Variants in CHODL observed in about 807,000 individuals in gnomAD.
CHODL encodes transmembrane protein MT75.
Under a neutral mutation model 34.5 loss-of-function variants are expected in CHODL, and 29 were observed. That is an observed-to-expected ratio of 0.84 (90% CI 0.63 to 1.15). The LOEUF (loss-of-function observed/expected upper bound fraction) is 1.15, where lower values mean the gene tolerates loss of function less well. Among genes scored for constraint, CHODL ranks in the 50% most tolerant of loss-of-function variants. The pLI is 0.00. For synonymous variants in CHODL, 125 were observed against 116.1 expected, an observed-to-expected ratio of 1.08 and a Z score of -0.49; for missense variants, 332 against 332.5, an observed-to-expected ratio of 1.00 and a Z score of 0.01.
intron 1 of CHODL, among the ~76,000 whole-genome samples, chr21:17,951,431 TTAAGAC>T (rs2146342127): frequency 6.6e-6 from 1 of 152,266 alleles, no homozygotes; most frequent in African/African-American, 2.4e-5. Flanking sequence ...CTGAGAGTCT[TTAAGAC>T]TAAGAGACCA....
intron 2 of CHODL, among the ~76,000 whole-genome samples, chr21:18,233,690 AT>A (rs2074003372): frequency 6.6e-6 from 1 of 152,082 alleles, no homozygotes; most frequent in South Asian, 2.1e-4. Flanking sequence ...TTTAAAAAAA[AT>A]AAGATAATTT....
chr21:17,929,140 ATTTC>A (rs2063251156), intron 1 of CHODL, among the ~76,000 whole-genome samples: 1 of 152,192 alleles, frequency 6.6e-6, no homozygotes, highest in Non-Finnish European at 1.5e-5. Flanking sequence ...TATAGAAACA[ATTTC>A]TTTTTTTATC....
At chr21:18,229,488 G>A (rs1568945932) in intron 2 of CHODL, among the ~76,000 whole-genome samples, 1 of 152,026 alleles carries the variant, frequency 6.6e-6, no homozygotes, top group African/African-American at 2.4e-5. Flanking sequence ...GAATAAATAA[G>A]AGACCAAACC....
At chr21:18,108,663 TA>T (rs1223914224) in intron 2 of CHODL, among the ~76,000 whole-genome samples, 1 of 152,128 alleles carries the variant, frequency 6.6e-6, no homozygotes, top group African/African-American at 2.4e-5. Context: ...CCTATACAGA[TA>T]GGATCCTTTA....
At chr21:18,041,685 T>A (rs1362984546) in intron 2 of CHODL, among the ~76,000 whole-genome samples, 1 of 151,944 alleles carries the variant, frequency 6.6e-6, no homozygotes, top group African/African-American at 2.4e-5. Context: ...GTAGACTGAA[T>A]GGAATAGGCT....
At chr21:18,134,122 G>A (rs551522274) in intron 2 of CHODL, among the ~76,000 whole-genome samples, 17 of 152,150 alleles carry the variant, frequency 1.1e-4, no homozygotes, top group African/African-American at 3.1e-4. Context: ...CAGGGAGGCG[G>A]GTATAACTCT....
intron 1 of CHODL, among the ~76,000 whole-genome samples, chr21:17,919,169 G>C (rs975489482): frequency 6.6e-6 from 1 of 152,204 alleles, no homozygotes; most frequent in African/African-American, 2.4e-5. Flanking sequence ...CCATTCTGGG[G>C]TCTGGAGGAT....
In CHODL at chr21:17,981,815, C is replaced by T. The variant is rs755723347; in HGVS notation, c.-144-46057C>T. 4.4e-4 allele frequency among the ~76,000 whole-genome samples: 67 copies of T among 151,918 alleles called. 1 individual carries two copies. Among genetic ancestry groups the T allele is most frequent in the Non-Finnish European group, 1.6e-4 (11 of 67,988 alleles). On this transcript the variant is annotated intron_variant, in intron 1 of 6. Transcript: ENST00000400127. ...CAAGAATATAGGGAAAGGGTGAAAG[C>T]TTAGAGGATTAATAAAATATCACAT... is the stretch of plus-strand genomic sequence containing the variant.
intron 2 of CHODL, among the ~76,000 whole-genome samples, chr21:18,216,029 C>T (rs1173731906): frequency 1.3e-5 from 2 of 151,392 alleles, no homozygotes; most frequent in African/African-American, 2.4e-5. Context: ...TTTTGCAATG[C>T]TAAGATATGC....
At chr21:18,033,857 A>G (rs2064277218) in intron 2 of CHODL, among the ~76,000 whole-genome samples, 1 of 152,078 alleles carries the variant, frequency 6.6e-6, no homozygotes, top group Non-Finnish European at 1.5e-5. Flanking sequence ...GAGACCTCTC[A>G]TTTAAAATAA....
chr21:17,926,239 A>G (rs982541410), intron 1 of CHODL, among the ~76,000 whole-genome samples: 22 of 150,936 alleles, frequency 1.5e-4, no homozygotes. Context: ...CTTTTCCTTT[A>G]TGAAATGAAA....
Position 18,245,890 on chromosome 21 carries a change from A to G in CHODL, c.79+588A>G, listed in dbSNP as rs1277910101. 7 of 1,535,316 alleles carry G rather than the reference A, an allele frequency of 4.6e-6. No homozygotes were observed. The East Asian group carries it at 7.3e-5, about 16-fold the overall frequency. On this transcript the variant is annotated intron_variant, in intron 1 of 5. Coordinates refer to ENST00000299295, the MANE Select transcript of CHODL (RefSeq NM_024944.3). ...CCTTTCCTTTGCACACTGCGTTCCA[A>G]GTTGGGGACTTCCCAGAAAATGAAG... is the stretch of plus-strand genomic sequence containing the variant.
At chr21:17,998,522 T>G (rs374113594) in intron 1 of CHODL, among the ~76,000 whole-genome samples, 3 of 152,346 alleles carry the variant, frequency 2.0e-5, no homozygotes, top group South Asian at 4.1e-4. Context: ...CAGATGTTCT[T>G]CATGAGGGCT....
chr21:18,101,418 A>G (rs187604873), intron 2 of CHODL, among the ~76,000 whole-genome samples: 245 of 152,252 alleles, frequency 1.6e-3, no homozygotes, highest in Non-Finnish European at 2.5e-3. Flanking sequence ...TTTATTTCTT[A>G]ATTAGAATCC....
chr21:18,237,021 G>A (rs545085566), intron 2 of CHODL, among the ~76,000 whole-genome samples: 1 of 152,212 alleles, frequency 6.6e-6, no homozygotes, highest in East Asian at 1.9e-4. Flanking sequence ...CTAACTATTG[G>A]AGAAGAAATA....
chr21:18,073,744 AC>A (rs1371319494), intron 2 of CHODL, among the ~76,000 whole-genome samples: 1 of 152,008 alleles, frequency 6.6e-6, no homozygotes, highest in East Asian at 1.9e-4. Context: ...TACCTGGCTT[AC>A]CTCCCAATCT....
At chr21:18,201,380 T>C (rs900693275) in intron 2 of CHODL, among the ~76,000 whole-genome samples, 2 of 152,116 alleles carry the variant, frequency 1.3e-5, no homozygotes, top group African/African-American at 4.8e-5. Flanking sequence ...TGCTTCAGAA[T>C]AGGTAATCAA....
chr21:18,065,149 G>T (rs529651400), intron 2 of CHODL, among the ~76,000 whole-genome samples: 2 of 152,226 alleles, frequency 1.3e-5, no homozygotes, highest in South Asian at 4.1e-4. Flanking sequence ...AACACAAATG[G>T]CACATACATA....
At chr21:17,986,890 C>G (rs757453261) in intron 1 of CHODL, among the ~76,000 whole-genome samples, 4 of 152,038 alleles carry the variant, frequency 2.6e-5, no homozygotes, top group African/African-American at 7.2e-5. Context: ...TAGATACATA[C>G]GTTTTAATAG....
Sources: gnomAD v4.1 joint callset for allele counts (sites outside exome capture counted in the v4.1 genomes callset) on GRCh38, gnomAD v4.1.1 for gene constraint, MANE v1.5 for transcripts, NCBI Gene and HGNC (gene_info 2026-07-23, HGNC 2026-07-21) for gene names.